ABCA4: variants seen among roughly 807,000 people sequenced by gnomAD.
ABCA4 encodes ATP binding cassette subfamily A member 4, also known as retinal-specific phospholipid-transporting ATPase ABCA4.
In ABCA4, 196 loss-of-function variants were observed where a neutral mutation model predicts 263.7. The observed-to-expected ratio is 0.74, with a 90% CI of 0.66 to 0.84. ABCA4 has a LOEUF of 0.84. Ranked by LOEUF, ABCA4 falls within the 40% of genes least tolerant of loss-of-function variation. The pLI, the probability that ABCA4 is intolerant of heterozygous loss-of-function variation, is 0.00. For synonymous variants in ABCA4, 1,133 were observed against 1,094.2 expected (o/e 1.04, Z -0.70); for missense variants, 2,792 against 2,855.1 (o/e 0.98, Z 0.50).
chr1:94,102,368 C>T (rs1662306720), intron 5 of ABCA4, among the ~76,000 whole-genome samples: 1 of 151,958 alleles, frequency 6.6e-6, no homozygotes, highest in African/African-American at 2.4e-5. Flanking sequence ...GACGCCACCC[C>T]AGCACTTGCC....
At chr1:94,025,481 A>G (rs1401231460) in intron 30 of ABCA4, 1 of 284,796 alleles carries the variant, frequency 3.5e-6, no homozygotes, top group African/African-American at 2.2e-5. Context: ...TATCCACTCC[A>G]ATAAACCCTG....
At chr1:93,993,273 A>G in intron 49 of ABCA4, 31 bp from the exon 50 acceptor site, 2 of 1,613,790 alleles carry the variant, frequency 1.2e-6, no homozygotes, top group Non-Finnish European at 1.7e-6. Flanking sequence ...GACTCGCGTC[A>G]TCTTGGTTTT....
intron 22 of ABCA4, among the ~76,000 whole-genome samples, chr1:94,042,312 G>A (rs1407636456): frequency 6.6e-6 from 1 of 152,014 alleles, no homozygotes; most frequent in Non-Finnish European, 1.5e-5. Flanking sequence ...TTGTCTGAGA[G>A]GTGCCATGAC....
At chr1:94,047,222 C>G (rs1457030125) in intron 18 of ABCA4, 129 bp from the exon 19 acceptor site, 6 of 973,308 alleles carry the variant, frequency 6.2e-6, no homozygotes, top group Non-Finnish European at 9.8e-6. Context: ...ATCACCGTTG[C>G]AAGGAAGACT....
chr1:94,045,779 A>T (rs77518674), intron 19 of ABCA4: 6,252 of 456,284 alleles, frequency 0.014, 163 homozygotes, highest in African/African-American at 0.06. Flanking sequence ...AGAACATTCC[A>T]TCACAGGGTG....
At position 94,001,911 on chromosome 1, in the gene ABCA4, G is replaced by T. The variant is rs61750645; in HGVS notation, c.6229C>A (p.Arg2077=). 1 of 1,614,086 alleles carries T rather than the reference G, an allele frequency of 6.2e-7. No individual in the cohort carries two copies. Among genetic ancestry groups the T allele is most frequent in the Non-Finnish European group, 8.5e-7 (1 of 1,180,046 alleles). Residue 2077 remains arginine, a synonymous_variant, in exon 45 of 50, where the codon CGG becomes AGG. Coordinates refer to ENST00000370225, the MANE Select transcript of ABCA4 (RefSeq NM_000350.3). ...LAGTYSGGNK[R]KLSTAIALIG... is the part of the protein sequence containing the mutation. ...AGTGCGATGGCTGTGGAGAGTTTCC[G>T]CTTGTTGCCCCCACTGTACGTGCCA...
At chr1:94,092,066 C>T (rs1338822856) in intron 6 of ABCA4, among the ~76,000 whole-genome samples, 1 of 152,214 alleles carries the variant, frequency 6.6e-6, no homozygotes, top group African/African-American at 2.4e-5. Context: ...ATGTCTTAAG[C>T]ATTGAATGTT....
At position 94,055,059 on chromosome 1, in the gene ABCA4, C is replaced by T. The variant is rs1557783955; in HGVS notation, c.2587+52G>A. On this transcript the variant is annotated intron_variant, in intron 16 of 49. Coordinates refer to ENST00000370225, the MANE Select transcript of ABCA4 (RefSeq NM_000350.3). Reference sequence around the variant, plus strand: ...ATTTAAACTAGATGAATGGAGAGGGCTGGGGATCTGAAGAACTCAATTACC... The same window carrying T: ...ATTTAAACTAGATGAATGGAGAGGGTTGGGGATCTGAAGAACTCAATTACC... The T allele has an allele frequency of 2.0e-6, 3 of 1,505,008 alleles. No homozygotes were observed. In the Admixed American group the frequency reaches 5.0e-5, roughly 25 times the overall value. 93.2% of individuals were successfully genotyped at this position (1,505,008 alleles called of 1,614,324 possible).
chr1:94,056,186 T>G (rs1660972915), intron 15 of ABCA4, among the ~76,000 whole-genome samples: 1 of 152,242 alleles, frequency 6.6e-6, no homozygotes, highest in Non-Finnish European at 1.5e-5. Context: ...CAATTCAAGT[T>G]TTTTTGAAGC....
At chr1:94,028,261 C>T (rs1034441370) in intron 30 of ABCA4, among the ~76,000 whole-genome samples, 10 of 152,170 alleles carry the variant, frequency 6.6e-5, no homozygotes, top group Admixed American at 6.5e-4. Context: ...TAAGGCCCAG[C>T]CCTGGCAAGT....
chr1:94,098,198 A>T lies in ABCA4; in HGVS notation c.768+596T>A, dbSNP rs943031199. Among the ~76,000 whole-genome samples the T allele has an allele frequency of 1.6e-4, 24 of 152,204 alleles. 1 individual carries two copies. The highest frequency in any genetic ancestry group is 1.3e-3 in the Admixed American group (20 of 15,286). On this transcript the variant is annotated intron_variant, in intron 6 of 49. Transcript: ENST00000370225. ...AGTCTGTCTGGGATGCAGTTCTAGAACAAAGGGTTGAGCTAGATCAGGGCT... is the reference window on the plus strand; with the variant it reads ...AGTCTGTCTGGGATGCAGTTCTAGATCAAAGGGTTGAGCTAGATCAGGGCT...
At chr1:94,049,033 G>T (rs968794651) in intron 17 of ABCA4, 76 bp from the exon 18 acceptor site, 4 of 1,450,118 alleles carry the variant, frequency 2.8e-6, no homozygotes, top group Admixed American at 1.7e-5. Context: ...GAGGGGAGAG[G>T]TACAGGGAGC....
intron 38 of ABCA4, among the ~76,000 whole-genome samples, chr1:94,012,774 G>T (rs745661441): frequency 6.6e-6 from 1 of 152,156 alleles, no homozygotes; most frequent in Admixed American, 6.5e-5. Context: ...GGCTTATATC[G>T]TTGCAAACTT....
intron 23 of ABCA4, among the ~76,000 whole-genome samples, 178 bp downstream of exon 23, chr1:94,041,031 A>C (rs1336462852): frequency 1.3e-5 from 2 of 152,212 alleles, no homozygotes; most frequent in Admixed American, 1.3e-4. Flanking sequence ...TGGCTAAAGC[A>C]TCTCTGTAGG....
chr1:94,067,822 C>A (rs1028525185), intron 11 of ABCA4, among the ~76,000 whole-genome samples: 2 of 152,172 alleles, frequency 1.3e-5, no homozygotes, highest in East Asian at 1.9e-4. Context: ...CTCACAACAA[C>A]CTTATGAGGT....
intron 44 of ABCA4, among the ~76,000 whole-genome samples, chr1:94,002,731 C>G (rs1045756267): frequency 3.3e-5 from 5 of 152,166 alleles, no homozygotes; most frequent in Non-Finnish European, 5.9e-5. Flanking sequence ...TTCAGGTTCT[C>G]TCCTCTGCAG....
At chr1:94,044,195 A>T (rs1168194702) in intron 20 of ABCA4, among the ~76,000 whole-genome samples, 2 of 151,878 alleles carry the variant, frequency 1.3e-5, no homozygotes, top group Non-Finnish European at 2.9e-5. Context: ...GAAATAAAAG[A>T]TATCTTATTG....
intron 24 of ABCA4, among the ~76,000 whole-genome samples, chr1:94,037,613 TG>T (rs535019260): frequency 6.7e-6 from 1 of 148,854 alleles, no homozygotes; most frequent in African/African-American, 2.5e-5. Context: ...CGGAGGTTGG[TG>T]GGGGGGTCAT....
chr1:94,021,585 T>C, intron 34 of ABCA4, 55 bp downstream of exon 34: 1 of 1,539,914 alleles, frequency 6.5e-7, no homozygotes. Flanking sequence ...AAAAATAAAA[T>C]AACCAGCTCA....
Sources: allele counts gnomAD v4.1 joint callset (sites outside exome capture counted in the v4.1 genomes callset), GRCh38; gene constraint gnomAD v4.1.1; transcripts MANE v1.5; gene names NCBI Gene and HGNC (gene_info 2026-07-23, HGNC 2026-07-21).